Variants in SMAP1 observed in about 807,000 individuals in gnomAD.
SMAP1 encodes stromal membrane-associated protein 1.
In SMAP1, 24 loss-of-function variants were observed where a neutral mutation model predicts 58.5. The ratio of observed to expected loss-of-function variants is 0.41; its 90% CI spans 0.30 to 0.58. SMAP1 has a LOEUF of 0.58. Among genes scored for constraint, SMAP1 ranks in the 20% least tolerant of loss-of-function variants. SMAP1 has a pLI of 0.29. For synonymous variants in SMAP1, 216 were observed against 196.6 expected (o/e 1.10, Z -0.82); for missense variants, 563 against 566.3 (o/e 0.99, Z 0.06).
intron 7 of SMAP1, among the ~76,000 whole-genome samples, chr6:70,847,429 A>G (rs72930869): frequency 3.6e-3 from 546 of 152,300 alleles, no homozygotes; most frequent in Non-Finnish European, 6.2e-3. Context: ...AAAAACATTC[A>G]TCTATCAATT....
At chr6:70,704,836 A>G (rs1767772158) in intron 1 of SMAP1, among the ~76,000 whole-genome samples, 1 of 152,190 alleles carries the variant, frequency 6.6e-6, no homozygotes, top group Admixed American at 6.5e-5. Flanking sequence ...TTCTCCTTAT[A>G]TCAAGACTTT....
intron 1 of SMAP1, among the ~76,000 whole-genome samples, chr6:70,702,787 C>T (rs1285673275): frequency 6.6e-6 from 1 of 151,992 alleles, no homozygotes; most frequent in Non-Finnish European, 1.5e-5. Context: ...CGCACCACCA[C>T]ACCTGGTTAA....
At chr6:70,675,224 T>TTTA (rs1554187893) in intron 1 of SMAP1, among the ~76,000 whole-genome samples, 4 of 107,418 alleles carry the variant, frequency 3.7e-5, no homozygotes, top group Non-Finnish European at 7.3e-5. Context: ...TTTTTTTTTT[T>TTTA]ACCAGAGATG....
chr6:70,682,333 C>T (rs567779513), intron 1 of SMAP1, among the ~76,000 whole-genome samples: 2 of 151,470 alleles, frequency 1.3e-5, no homozygotes, highest in South Asian at 2.1e-4. Flanking sequence ...GGATTACAGG[C>T]GCCCACCACC....
At chr6:70,729,923 C>A (rs1258718803) in intron 1 of SMAP1, among the ~76,000 whole-genome samples, 1 of 152,200 alleles carries the variant, frequency 6.6e-6, no homozygotes, top group Non-Finnish European at 1.5e-5. Context: ...TGTTAGAATG[C>A]AGAACCTTAG....
At chr6:70,813,261 GTT>G (rs997386154) in intron 6 of SMAP1, among the ~76,000 whole-genome samples, 3 of 152,018 alleles carry the variant, frequency 2.0e-5, no homozygotes, top group African/African-American at 7.3e-5. Context: ...CCCAGCAAGG[GTT>G]TGCTTCTCCA....
At chr6:70,804,631 G>C (rs1357175172) in intron 6 of SMAP1, among the ~76,000 whole-genome samples, 1 of 152,142 alleles carries the variant, frequency 6.6e-6, no homozygotes, top group Non-Finnish European at 1.5e-5. Flanking sequence ...GCATTGGCTG[G>C]TACCAGTTGT....
intron 1 of SMAP1, among the ~76,000 whole-genome samples, chr6:70,691,697 T>A (rs776514880): frequency 3.2e-4 from 48 of 152,140 alleles, no homozygotes; most frequent in Non-Finnish European, 6.5e-4. Flanking sequence ...TATAAAAGAG[T>A]GAGAATGTGA....
At chr6:70,729,166 G>A (rs1765309456) in intron 1 of SMAP1, among the ~76,000 whole-genome samples, 1 of 152,082 alleles carries the variant, frequency 6.6e-6, no homozygotes, top group Non-Finnish European at 1.5e-5. Flanking sequence ...GAGGCTGGGC[G>A]TGATGGCTCA....
intron 1 of SMAP1, among the ~76,000 whole-genome samples, chr6:70,707,059 G>A (rs1390956581): frequency 2.0e-5 from 3 of 151,966 alleles, no homozygotes; most frequent in African/African-American, 7.2e-5. Context: ...TAGTTTTTAT[G>A]TATCAGCTGT....
At chr6:70,758,395 A>C (rs1378294418) in intron 3 of SMAP1, among the ~76,000 whole-genome samples, 1 of 145,608 alleles carries the variant, frequency 6.9e-6, no homozygotes, top group Non-Finnish European at 1.5e-5. Flanking sequence ...GGGGAGGGAT[A>C]GCATTGGGAG....
intron 1 of SMAP1, among the ~76,000 whole-genome samples, chr6:70,680,701 A>G (rs922257370): frequency 2.7e-5 from 4 of 147,706 alleles, no homozygotes; most frequent in Non-Finnish European, 5.9e-5. Flanking sequence ...TTACAATTAC[A>G]TGGATTTCCT....
chr6:70,703,810 T>G (rs1354953759), intron 1 of SMAP1, among the ~76,000 whole-genome samples: 1 of 152,234 alleles, frequency 6.6e-6, no homozygotes, highest in African/African-American at 2.4e-5. Context: ...TTAGTCTCTG[T>G]GAACTCCTAG....
chr6:70,812,391 G>A lies in SMAP1; in HGVS notation c.576+13654G>A, dbSNP rs1177150595. 3.9e-5 allele frequency among the ~76,000 whole-genome samples: 6 copies of A among 152,112 alleles called. No individual in the cohort carries two copies. In the East Asian group the frequency reaches 7.7e-4, roughly 20 times the overall value. On this transcript the variant is annotated intron_variant, in intron 6 of 10. Coordinates refer to ENST00000370455, the MANE Select transcript of SMAP1 (RefSeq NM_001044305.3). ...TTTGATTAGAATTATCTGCATTTTG[G>A]AGGAAGAAAACAGAACAGAATGTTA...
intron 4 of SMAP1, among the ~76,000 whole-genome samples, chr6:70,778,771 G>A (rs550027019): frequency 6.6e-6 from 1 of 152,362 alleles, no homozygotes; most frequent in East Asian, 1.9e-4. Flanking sequence ...GTTGGTGGCA[G>A]CAGCTCTGAG....
At chr6:70,814,406 G>A (rs534927083) in intron 6 of SMAP1, among the ~76,000 whole-genome samples, 1 of 152,262 alleles carries the variant, frequency 6.6e-6, no homozygotes, top group South Asian at 2.1e-4. Flanking sequence ...AACATTGATA[G>A]CAGTGGATGT....
intron 8 of SMAP1, among the ~76,000 whole-genome samples, chr6:70,854,291 A>G (rs1018964630): frequency 9.2e-5 from 14 of 152,228 alleles, no homozygotes; most frequent in Non-Finnish European, 1.9e-4. Flanking sequence ...GGTGAACAGT[A>G]GTATCTTTCG....
Position 70,796,646 on chromosome 6 carries a change from C to T in SMAP1, c.496-2011C>T, listed in dbSNP as rs1562168098. Reference sequence around the variant, plus strand: ...CCTTATTTCCAGTATAAAGCCCAGGCACTTGAGTAGATATGAAGATCTTTT... The same window carrying T: ...CCTTATTTCCAGTATAAAGCCCAGGTACTTGAGTAGATATGAAGATCTTTT... On this transcript the variant is annotated intron_variant, in intron 5 of 10. Coordinates refer to ENST00000370455, the MANE Select transcript of SMAP1 (RefSeq NM_001044305.3). 1.3e-5 allele frequency among the ~76,000 whole-genome samples: 2 copies of T among 152,150 alleles called. 1 individual carries two copies. The highest frequency in any genetic ancestry group is 3.9e-4 in the East Asian group (2 of 5,190).
intron 1 of SMAP1, among the ~76,000 whole-genome samples, chr6:70,696,653 T>C (rs533879815): frequency 3.3e-5 from 5 of 152,356 alleles, no homozygotes; most frequent in African/African-American, 1.2e-4. Context: ...AGTTGTTTTG[T>C]GGCCCAGCAT....
Sources: allele counts gnomAD v4.1 joint callset (sites outside exome capture counted in the v4.1 genomes callset), GRCh38; gene constraint gnomAD v4.1.1; transcripts MANE v1.5; gene names NCBI Gene and HGNC (gene_info 2026-07-23, HGNC 2026-07-21).